Variants in RPS6KC1 observed in about 807,000 individuals in gnomAD.
RPS6KC1 encodes inactive ribosomal protein S6 kinase delta-1.
A neutral mutation model predicts 103.8 loss-of-function variants in RPS6KC1; 54 were observed. That is an observed-to-expected ratio of 0.52 (90% confidence interval 0.42 to 0.65). The LOEUF is 0.65. Ranked by LOEUF, RPS6KC1 falls within the 30% of genes least tolerant of loss-of-function variation. The pLI, the probability that RPS6KC1 is intolerant of heterozygous loss-of-function variation, is 0.00. For missense variants in RPS6KC1, 1,151 were observed against 1,253.8 expected (o/e 0.92, Z 1.24); for synonymous variants, 439 against 438.7 (o/e 1.00, Z -0.01).
chr1:213,630,503 A>G, the RPS6KC1 span, among the ~76,000 whole-genome samples: 7 of 151,694 alleles, frequency 4.6e-5, no homozygotes, highest in Admixed American at 2.0e-4. Context: ...AAGGTTTTTA[A>G]CTTCTTTGCC....
chr1:213,061,029 A>C (rs754119374), intron 1 of RPS6KC1, among the ~76,000 whole-genome samples: 11 of 151,844 alleles, frequency 7.2e-5, no homozygotes, highest in Non-Finnish European at 7.3e-5. Flanking sequence ...CCTGATTTGC[A>C]TACAGCTGCC....
intron 8 of RPS6KC1, among the ~76,000 whole-genome samples, chr1:213,191,848 C>G (rs558449214): frequency 6.6e-6 from 1 of 151,928 alleles, no homozygotes; most frequent in South Asian, 2.1e-4. Flanking sequence ...CTTGCTCTGT[C>G]GCTCGGCTGG....
intron 5 of RPS6KC1, among the ~76,000 whole-genome samples, chr1:213,127,947 A>G (rs191434771): frequency 4.7e-4 from 71 of 152,310 alleles, no homozygotes; most frequent in African/African-American, 1.6e-3. Context: ...AAGACAGACC[A>G]ATGGATTTGA....
At chr1:213,634,851 A>G in the RPS6KC1 span, among the ~76,000 whole-genome samples, 3 of 152,000 alleles carry the variant, frequency 2.0e-5, no homozygotes. Flanking sequence ...TTTTGAAAAG[A>G]TCAACAAAAT....
chr1:213,703,059 A>G, the RPS6KC1 span, among the ~76,000 whole-genome samples: 2 of 151,686 alleles, frequency 1.3e-5, no homozygotes, highest in Admixed American at 1.3e-4. Flanking sequence ...TTCTCTGGTG[A>G]TATGATTTAG....
the RPS6KC1 span, among the ~76,000 whole-genome samples, chr1:213,425,047 G>C: frequency 5.3e-5 from 8 of 152,186 alleles, no homozygotes; most frequent in South Asian, 1.7e-3. Context: ...GGCCACGGAG[G>C]AGCCGCCATG....
chr1:213,067,909 A>G (rs1179241567), intron 1 of RPS6KC1, among the ~76,000 whole-genome samples: 1 of 152,266 alleles, frequency 6.6e-6, no homozygotes, highest in Non-Finnish European at 1.5e-5. Context: ...TCATCTGAAG[A>G]AAACCAAAAT....
At chr1:213,391,010 T>A in the RPS6KC1 span, among the ~76,000 whole-genome samples, 1 of 152,092 alleles carries the variant, frequency 6.6e-6, no homozygotes, top group African/African-American at 2.4e-5. Context: ...ATTCTAGTTT[T>A]TTTTCCCCCC....
the RPS6KC1 span, among the ~76,000 whole-genome samples, chr1:213,695,632 C>A: frequency 6.6e-6 from 1 of 152,246 alleles, no homozygotes; most frequent in East Asian, 1.9e-4. Context: ...GATCAGCATT[C>A]TATTCCAGGA....
the RPS6KC1 span, among the ~76,000 whole-genome samples, chr1:213,628,794 G>A: frequency 1.6e-4 from 25 of 152,146 alleles, no homozygotes; most frequent in African/African-American, 4.6e-4. Context: ...GTTTGTTCTC[G>A]TTGGTTTCAA....
At chr1:213,122,393 A>G (rs1361321600) in intron 5 of RPS6KC1, among the ~76,000 whole-genome samples, 1 of 152,146 alleles carries the variant, frequency 6.6e-6, no homozygotes, top group African/African-American at 2.4e-5. Context: ...TCGAAATACC[A>G]TTTATTTTGT....
the RPS6KC1 span, among the ~76,000 whole-genome samples, chr1:213,788,180 A>G: frequency 1.9e-3 from 287 of 152,310 alleles, 2 homozygotes; most frequent in African/African-American, 6.6e-3. Flanking sequence ...TTGGCCCAGG[A>G]TGCTGAAATG....
At chr1:213,078,979 A>T (rs983176116) in intron 3 of RPS6KC1, among the ~76,000 whole-genome samples, 1 of 152,170 alleles carries the variant, frequency 6.6e-6, no homozygotes, top group South Asian at 2.1e-4. Flanking sequence ...TAATATGTAT[A>T]TGCCTTTTTA....
At chr1:213,287,117 A>G in the RPS6KC1 span, among the ~76,000 whole-genome samples, 1 of 152,334 alleles carries the variant, frequency 6.6e-6, no homozygotes, top group South Asian at 2.1e-4. Context: ...TTGGGTGATA[A>G]AATGATTTTT....
the RPS6KC1 span, among the ~76,000 whole-genome samples, chr1:213,467,208 A>G: frequency 6.6e-6 from 1 of 152,198 alleles, no homozygotes; most frequent in Non-Finnish European, 1.5e-5. Context: ...AGGAATCAAT[A>G]TAAATTATAC....
chr1:213,615,207 A>G, the RPS6KC1 span, among the ~76,000 whole-genome samples: 37 of 152,320 alleles, frequency 2.4e-4, no homozygotes, highest in Non-Finnish European at 4.3e-4. Context: ...CAGAGAACAC[A>G]CCTTCAGCTC....
At chr1:213,114,603 A>G (rs1194020368) in intron 4 of RPS6KC1, among the ~76,000 whole-genome samples, 1 of 150,634 alleles carries the variant, frequency 6.6e-6, no homozygotes, top group African/African-American at 2.4e-5. Flanking sequence ...GTTGAATAGG[A>G]GTGGTGAGAG....
At chr1:213,335,360 C>G in the RPS6KC1 span, among the ~76,000 whole-genome samples, 5 of 152,320 alleles carry the variant, frequency 3.3e-5, 1 homozygote, top group Middle Eastern at 3.4e-3. Context: ...CAGATGGATA[C>G]TGATTTCTCA....
chr1:213,328,301 C>G, the RPS6KC1 span, among the ~76,000 whole-genome samples: 1 of 151,956 alleles, frequency 6.6e-6, no homozygotes, highest in Non-Finnish European at 1.5e-5. Flanking sequence ...TGCTGTGATA[C>G]CATAACAACG....
Sources: gnomAD v4.1 joint callset for allele counts (sites outside exome capture counted in the v4.1 genomes callset) on GRCh38, gnomAD v4.1.1 for gene constraint, MANE v1.5 for transcripts, NCBI Gene and HGNC (gene_info 2026-07-23, HGNC 2026-07-21) for gene names.